PCYT1A: variants seen among roughly 807,000 people sequenced by gnomAD.
PCYT1A encodes the protein phosphate cytidylyltransferase 1A, choline, also known as choline-phosphate cytidylyltransferase A.
In PCYT1A, 25 loss-of-function variants were observed where a neutral mutation model predicts 43.7. The ratio of observed to expected loss-of-function variants is 0.57; its 90% confidence interval spans 0.42 to 0.80. The LOEUF (loss-of-function observed/expected upper bound fraction) is 0.80, where lower values mean the gene tolerates loss of function less well. PCYT1A is among the 30% of genes least tolerant of loss of function. The pLI is 0.00. For synonymous variants in PCYT1A, 172 were observed against 170.7 expected (o/e 1.01, Z -0.06); for missense variants, 421 against 474.2 (o/e 0.89, Z 1.04).
intron 8 of PCYT1A, among the ~76,000 whole-genome samples, chr3:196,239,118 G>A (rs150987875): frequency 6.6e-6 from 1 of 152,180 alleles, no homozygotes; most frequent in East Asian, 1.9e-4. Flanking sequence ...ATCTAACCTA[G>A]GACTCACTTG....
At position 196,242,683 on chromosome 3, in the gene PCYT1A, T is replaced by C. The variant is rs769042748; in HGVS notation, c.487-43A>G. 1 of 1,303,878 alleles carries C rather than the reference T, an allele frequency of 7.7e-7. No individual in the cohort carries two copies. The highest frequency in any genetic ancestry group is 1.1e-6 in the Non-Finnish European group (1 of 897,172). 80.8% of individuals were successfully genotyped at this position (1,303,878 alleles called of 1,614,324 possible). ...TCATTAAAACCCATGATAACTGCCA[T>C]TCAGAAAGACCCAGTCAATGTTCTC... On this transcript the variant is annotated intron_variant, in intron 5 of 8. Transcript: ENST00000431016. This position sits in a 1 kb window ranked among gnomAD's most constrained non-coding sequence, Gnocchi z 4.2.
At position 196,235,721 on chromosome 3, in the gene PCYT1A, C is replaced by T. The variant is rs937326420; in HGVS notation, c.*2967G>A. 9.2e-5 allele frequency: 14 copies of T among 152,272 alleles called. No homozygotes were observed. The highest frequency in any genetic ancestry group is 3.1e-4 in the African/African-American group (13 of 41,472). The allele number at this position is 152,272 out of a possible 1,614,324, so 9.4% of individuals were successfully genotyped here. A position where few individuals can be genotyped will look rare whatever the true frequency, so the allele number is the denominator to read the frequency against. On this transcript the variant is annotated 3_prime_UTR_variant, in exon 9 of 9. Coordinates refer to ENST00000431016, the MANE Select transcript of PCYT1A (RefSeq NM_001312673.2). This position sits in a 1 kb window ranked among gnomAD's most constrained non-coding sequence, Gnocchi z 4.3. ...CTCATCTTGGCCACATTTGGCCCAC[C>T]CATGTTGACTGCTTTCTCGTGTGTG...
intron 3 of PCYT1A, chr3:196,250,665 T>A (rs1724736961): frequency 6.0e-6 from 1 of 166,660 alleles, no homozygotes; most frequent in African/African-American, 2.4e-5. Context: ...ATGTTGAGGT[T>A]GAGGATCAGA....
In PCYT1A at chr3:196,247,123, C is replaced by T. The variant is rs1461741578; in HGVS notation, c.486+244G>A. Among the ~76,000 whole-genome samples the T allele has an allele frequency of 6.6e-6, 1 of 152,222 alleles. No homozygotes were observed. ...ATGTAAAGCGGAAATGACAAACACA[C>T]CACAGGATTGCTGTGGGCAGAAAAT... On this transcript the variant is annotated intron_variant, in intron 5 of 8. Coordinates refer to ENST00000431016, the MANE Select transcript of PCYT1A (RefSeq NM_001312673.2). This position sits in a 1 kb window ranked among gnomAD's most constrained non-coding sequence, Gnocchi z 4.8.
At chr3:196,258,302 G>A (rs1027784624) in intron 2 of PCYT1A, among the ~76,000 whole-genome samples, 2 of 141,302 alleles carry the variant, frequency 1.4e-5, no homozygotes, top group Admixed American at 7.2e-5. Context: ...AAAAAAAAAA[G>A]AGTTTTTGTT....
Position 196,242,382 on chromosome 3 carries a change from A to G in PCYT1A, c.565+180T>C, listed in dbSNP as rs1724385631. ...TTTAGACCAAGAATTGATGGATGTC[A>G]TGAACTGACGACAAAGAATTGATGG... On this transcript the variant is annotated intron_variant, in intron 6 of 8. Transcript: ENST00000431016. This position sits in a 1 kb window ranked among gnomAD's most constrained non-coding sequence, Gnocchi z 4.2. 1.4e-6 allele frequency: 1 copy of G among 711,918 alleles called. No homozygotes were observed. Among genetic ancestry groups the G allele is most frequent in the African/African-American group, 1.7e-5 (1 of 57,282 alleles). 44.1% of individuals were successfully genotyped at this position (711,918 alleles called of 1,614,324 possible). A position where few individuals can be genotyped will look rare whatever the true frequency, so the allele number is the denominator to read the frequency against.
intron 2 of PCYT1A, among the ~76,000 whole-genome samples, chr3:196,269,105 C>T (rs1725361174): frequency 6.6e-6 from 1 of 152,300 alleles, no homozygotes; most frequent in East Asian, 1.9e-4. Flanking sequence ...GATTTTAGCC[C>T]TCTGAGACCC....
intron 5 of PCYT1A, among the ~76,000 whole-genome samples, chr3:196,243,510 T>TTCTCCCC (rs1242901476): frequency 0.011 from 1,650 of 150,420 alleles, 34 homozygotes; most frequent in African/African-American, 0.038. Context: ...CCCCTCTCCC[T>TTCTCCCC]TCTCCCCTCT....
rs1269267849 is a variant in PCYT1A at position 196,236,841 on chromosome 3, A to AT, written c.*1846dup. ...ACCACCACGCCTGGCTAATTTTTGT[A>AT]TTTTTAGTAGAGATGGGGTTTCACC... On this transcript the variant is annotated 3_prime_UTR_variant, in exon 9 of 9. Coordinates refer to ENST00000431016, the MANE Select transcript of PCYT1A (RefSeq NM_001312673.2). 2.6e-5 allele frequency: 4 copies of AT among 152,010 alleles called. No homozygotes were observed. Among genetic ancestry groups the AT allele is most frequent in the Non-Finnish European group, 5.9e-5 (4 of 68,026 alleles). 9.4% of individuals were successfully genotyped at this position (152,010 alleles called of 1,614,324 possible).
chr3:196,245,143 C>T (rs1000547835), intron 5 of PCYT1A, among the ~76,000 whole-genome samples: 1 of 142,102 alleles, frequency 7.0e-6, no homozygotes, highest in South Asian at 2.2e-4. Context: ...CATTTCACTA[C>T]TTTTTTTTTT....
chr3:196,283,055 G>A (rs1725812777), intron 1 of PCYT1A, among the ~76,000 whole-genome samples: 1 of 152,108 alleles, frequency 6.6e-6, no homozygotes, highest in African/African-American at 2.4e-5. Context: ...AGAAAGCAAG[G>A]GGCAAGGCAC....
chr3:196,278,689 G>A (rs1465402506), intron 1 of PCYT1A, among the ~76,000 whole-genome samples: 4 of 152,116 alleles, frequency 2.6e-5, no homozygotes, highest in African/African-American at 4.8e-5. Flanking sequence ...TTGTCAAAAA[G>A]GCTATAACAG....
Position 196,242,526 on chromosome 3 carries a change from G to T in PCYT1A, c.565+36C>A. On this transcript the variant is annotated intron_variant, in intron 6 of 8. Transcript: ENST00000431016. This position sits in a 1 kb window ranked among gnomAD's most constrained non-coding sequence, Gnocchi z 4.2. ...ATGGCTGAACATCTGCAGCTGCCCT[G>T]AGATCCCCTACAGTGAGGAAGCACA... The T allele has an allele frequency of 1.5e-6, 2 of 1,362,520 alleles. No homozygotes were observed. The highest frequency in any genetic ancestry group is 2.1e-6 in the Non-Finnish European group (2 of 950,142). 84.4% of individuals were successfully genotyped at this position (1,362,520 alleles called of 1,614,324 possible).
intron 3 of PCYT1A, among the ~76,000 whole-genome samples, chr3:196,254,337 T>A (rs932953359): frequency 1.7e-4 from 25 of 150,426 alleles, no homozygotes; most frequent in African/African-American, 2.7e-4. Flanking sequence ...ATATATATAT[T>A]TTTTTAATTT....
chr3:196,273,094 C>T lies in PCYT1A; in HGVS notation c.-10-2553G>A, dbSNP rs892014318. Among the ~76,000 whole-genome samples, 13 of 152,292 alleles carry T rather than the reference C, an allele frequency of 8.5e-5. 1 individual carries two copies. The highest frequency in any genetic ancestry group is 2.4e-4 in the African/African-American group (10 of 41,556). On this transcript the variant is annotated intron_variant, in intron 1 of 8. Transcript: ENST00000431016. This position sits in a 1 kb window ranked among gnomAD's most constrained non-coding sequence, Gnocchi z 4.1. ...CTGCCAGGGGGTGAGCAGCTCGAGGCGCCAGCTCCCTGAGAGGCTGCAGCT... is the reference window on the plus strand; with the variant it reads ...CTGCCAGGGGGTGAGCAGCTCGAGGTGCCAGCTCCCTGAGAGGCTGCAGCT...
At chr3:196,280,183 A>G (rs1725717581) in intron 1 of PCYT1A, among the ~76,000 whole-genome samples, 1 of 152,150 alleles carries the variant, frequency 6.6e-6, no homozygotes, top group South Asian at 2.1e-4. Flanking sequence ...TACCAAGGGA[A>G]AGAGGAGTTG....
chr3:196,279,155 G>A (rs1725678263), intron 1 of PCYT1A, among the ~76,000 whole-genome samples: 1 of 151,900 alleles, frequency 6.6e-6, no homozygotes, highest in Non-Finnish European at 1.5e-5. Flanking sequence ...GGGCGTGGTG[G>A]CAGGTGCCTG....
intron 5 of PCYT1A, among the ~76,000 whole-genome samples, chr3:196,245,957 A>G (rs2108765349): frequency 6.6e-6 from 1 of 152,200 alleles, no homozygotes; most frequent in South Asian, 2.1e-4. Flanking sequence ...TCTCAAAAAA[A>G]AAAAAAAAAA....
At chr3:196,239,904 G>C in intron 7 of PCYT1A, 169 bp from the exon 8 acceptor site, 1 of 589,316 alleles carries the variant, frequency 1.7e-6, no homozygotes, top group Non-Finnish European at 3.0e-6. Context: ...AAGATATGCT[G>C]TGGATGCACA....
Sources: allele counts gnomAD v4.1 joint callset (sites outside exome capture counted in the v4.1 genomes callset), GRCh38; gene constraint gnomAD v4.1.1; non-coding constraint Gnocchi (gnomAD v3.1); transcripts MANE v1.5; gene names NCBI Gene and HGNC (gene_info 2026-07-23, HGNC 2026-07-21).